The following GIGYF2 variants were observed in gnomAD, a reference collection of about 807,000 sequenced individuals.
The protein encoded by GIGYF2 is GRB10 interacting GYF protein 2, also known as GRB10-interacting GYF protein 2.
In GIGYF2, 25 loss-of-function variants were observed where a neutral mutation model predicts 208.1. The observed-to-expected ratio is 0.12, with a 90% CI of 0.09 to 0.17. The LOEUF (loss-of-function observed/expected upper bound fraction) is 0.17. GIGYF2 is among the 10% of genes least tolerant of loss of function. GIGYF2 has a pLI of 1.00. For missense variants in GIGYF2, 1,302 were observed against 1,579.4 expected (o/e 0.82, Z 2.98); for synonymous variants, 534 against 543.8 (o/e 0.98, Z 0.25).
At chr2:232,709,299 A>G (rs972358595) in intron 2 of GIGYF2, among the ~76,000 whole-genome samples, 8 of 152,140 alleles carry the variant, frequency 5.3e-5, no homozygotes, top group Admixed American at 2.6e-4. Context: ...TATGATTGCT[A>G]TTACTATGTA....
chr2:232,749,113 T>C, intron 5 of GIGYF2, 31 bp downstream of exon 5: 1 of 1,050,854 alleles, frequency 9.5e-7, no homozygotes, highest in Non-Finnish European at 1.5e-6. Context: ...CCCAGCAAAC[T>C]CTTATTCTTT....
chr2:232,735,516 T>G, intron 3 of GIGYF2: 1 of 351,038 alleles, frequency 2.8e-6, no homozygotes, highest in Non-Finnish European at 4.9e-6. Flanking sequence ...TTTGAGTCGT[T>G]GTCTAGGTGC....
chr2:232,740,150 C>T (rs1198003188), intron 3 of GIGYF2, among the ~76,000 whole-genome samples: 2 of 152,010 alleles, frequency 1.3e-5, no homozygotes, highest in Non-Finnish European at 1.5e-5. Flanking sequence ...TGATTTAAAA[C>T]ACTTTTGAGG....
intron 28 of GIGYF2, among the ~76,000 whole-genome samples, chr2:232,854,231 G>A (rs533065384): frequency 6.6e-6 from 1 of 152,192 alleles, no homozygotes; most frequent in Non-Finnish European, 1.5e-5. Context: ...GGTGACTCAT[G>A]ACTGTAATCC....
intron 1 of GIGYF2, among the ~76,000 whole-genome samples, chr2:232,697,679 C>T (rs1450566245): frequency 3.9e-5 from 6 of 152,240 alleles, no homozygotes; most frequent in African/African-American, 1.4e-4. Flanking sequence ...TAGGCCAGGG[C>T]CTCTTGGCAT....
rs397868481 is a variant in GIGYF2 at position 232,733,257 on chromosome 2, CAA to C, written c.-43-1880_-43-1879del. The stretch of plus-strand genomic sequence containing the variant: ...GGGCGACAGAGCGAGACTCTTGTCT[CAA>C]AAAAAAAAAAAAAAAAAGTGATGAG... On this transcript the variant is annotated intron_variant, in intron 2 of 28. Transcript: ENST00000373563. Among the ~76,000 whole-genome samples the C allele has an allele frequency of 7.9e-3, 722 of 91,188 alleles. 3 individuals are homozygous for C. Among genetic ancestry groups the C allele is most frequent in the African/African-American group, 0.023 (552 of 24,266 alleles). 59.8% of individuals were successfully genotyped at this position (91,188 alleles called of 152,430 possible). A position where few individuals can be genotyped will look rare whatever the true frequency, so the allele number is the denominator to read the frequency against.
chr2:232,749,045 C>T lies in GIGYF2; in HGVS notation c.230C>T (p.Pro77Leu), dbSNP rs1309018759. The T allele has an allele frequency of 6.2e-7, 1 of 1,604,638 alleles. No homozygotes were observed. Among genetic ancestry groups the T allele is most frequent in the African/African-American group, 1.3e-5 (1 of 74,808 alleles). ...CCTATCCTCCAGGAGGAACCCCTTC[C>T]ACCATTGGCTCTGGTACCCTTTACA... ...FLPILQEEPLPPLALVPFTEE... is the reference protein window; with the variant it reads ...FLPILQEEPLLPLALVPFTEE... Residue 77 changes from proline to leucine, a missense_variant, in exon 5 of 29, where the codon CCA becomes CTA. Pro to Leu is a moderately conservative substitution (Grantham distance 98). This residue lies in a region of GIGYF2 where 189 missense variants were observed against 257.7 expected (regional missense o/e 0.73). Coordinates refer to ENST00000373563, the MANE Select transcript of GIGYF2 (RefSeq NM_001103146.3).
rs1480168607 is a variant in GIGYF2, at chr2:232,860,365, C to A, written c.*3505C>A. The A allele has an allele frequency of 6.6e-6, 1 of 150,456 alleles. No individual in the cohort carries two copies. Among genetic ancestry groups the A allele is most frequent in the Non-Finnish European group, 1.5e-5 (1 of 67,718 alleles). The allele number at this position is 150,456 out of a possible 1,614,324, so 9.3% of individuals were successfully genotyped here. On this transcript the variant is annotated 3_prime_UTR_variant, in exon 29 of 29. Coordinates refer to ENST00000373563, the MANE Select transcript of GIGYF2 (RefSeq NM_001103146.3). ...TATTTAAATAATTTTTTTAGGGAAA[C>A]CATTGTATTTATACATGCATATATT...
chr2:232,795,693 T>G (rs1395438562), intron 13 of GIGYF2, among the ~76,000 whole-genome samples: 1 of 151,452 alleles, frequency 6.6e-6, no homozygotes, highest in Non-Finnish European at 1.5e-5. Flanking sequence ...AACCCAGGAG[T>G]TCAAGAACAG....
At chr2:232,778,308 CT>C (rs1699598627) in intron 8 of GIGYF2, among the ~76,000 whole-genome samples, 3 of 152,270 alleles carry the variant, frequency 2.0e-5, no homozygotes, top group Admixed American at 2.0e-4. Flanking sequence ...CCATAGTATA[CT>C]TGGTTTCAAT....
chr2:232,735,810 A>C (rs1049634548), intron 3 of GIGYF2: 9 of 985,510 alleles, frequency 9.1e-6, no homozygotes, highest in Non-Finnish European at 1.1e-5. Context: ...TTTGAGATCC[A>C]TCACATTGTA....
chr2:232,834,011 A>G (rs1701503455), intron 22 of GIGYF2, among the ~76,000 whole-genome samples: 1 of 152,058 alleles, frequency 6.6e-6, no homozygotes, highest in Non-Finnish European at 1.5e-5. Flanking sequence ...GCAAGAATTA[A>G]TTAGTCTCTG....
rs773494381 is a variant in GIGYF2 at position 232,806,501 on chromosome 2, T to A, written c.1650T>A (p.Asn550Lys). The A allele has an allele frequency of 1.2e-6, 2 of 1,605,540 alleles. No homozygotes were observed. The highest frequency in any genetic ancestry group is 2.2e-5 in the East Asian group (1 of 44,844). Residue 550 changes from asparagine (N) to lysine (K), a missense_variant, in exon 15 of 29, where the codon AAT becomes AAA. Physicochemically the swap from Asn to Lys is moderately conservative, Grantham distance 94. Transcript: ENST00000373563. The surrounding 1 kb of genome is among the most constrained non-coding windows in gnomAD (Gnocchi z 4.0). ...DPQGEIQGPF[N>K]NQEMAEWFQA... ...TTGGTGCTGTTATAGGTCCCTTCAATAATCAGGAGATGGCAGAATGGTTTC... is the reference window on the plus strand; with the variant it reads ...TTGGTGCTGTTATAGGTCCCTTCAAAAATCAGGAGATGGCAGAATGGTTTC...
rs756298776 is a variant in GIGYF2, at chr2:232,845,871, G to A, written c.3445G>A (p.Ala1149Thr). 1 of 1,605,512 alleles carries A rather than the reference G, an allele frequency of 6.2e-7. No individual in the cohort carries two copies. The highest frequency in any genetic ancestry group is 1.1e-5 in the South Asian group (1 of 90,876). Reference sequence around the variant, plus strand: ...ACAGATGCTTCATGCCCTTAATACGGCAAATAACTTGGATGGTAAGAATTG... The same window carrying A: ...ACAGATGCTTCATGCCCTTAATACGACAAATAACTTGGATGGTAAGAATTG... ...CEQMLHALNTANNLDVPTFVS... is the reference protein window; with the variant it reads ...CEQMLHALNTTNNLDVPTFVS... The change falls in exon 26 of 29, where the codon GCA becomes ACA. Residue 1149 changes from alanine (A) to threonine (T), a missense_variant. Transcript: ENST00000373563.
At position 232,809,816 on chromosome 2, in the gene GIGYF2, GAA is replaced by G. The variant is rs754885068; in HGVS notation, c.1898+6_1898+7del. 1 of 1,451,096 alleles carries G rather than the reference GAA, an allele frequency of 6.9e-7. No homozygotes were observed. The allele number at this position is 1,451,096 out of a possible 1,614,324, so 89.9% of individuals were successfully genotyped here. A position where few individuals can be genotyped will look rare whatever the true frequency, so the allele number is the denominator to read the frequency against. Reference sequence around the variant, plus strand: ...GTACCAGCAGTTTTTAATACAGTAAGAAGAGTAATGCAGTAGGATGTACTGCA... The same window carrying G: ...GTACCAGCAGTTTTTAATACAGTAAGGAGTAATGCAGTAGGATGTACTGCA... On this transcript the variant is annotated splice_donor_region_variant and intron_variant, in intron 16 of 28. Transcript: ENST00000373563.
chr2:232,778,527 C>T (rs1699607231), intron 8 of GIGYF2, among the ~76,000 whole-genome samples: 1 of 152,166 alleles, frequency 6.6e-6, no homozygotes, highest in South Asian at 2.1e-4. Flanking sequence ...CATTTAAAGT[C>T]ATTTCTGGTT....
At chr2:232,838,384 G>A (rs765055603) in intron 22 of GIGYF2, among the ~76,000 whole-genome samples, 4 of 152,088 alleles carry the variant, frequency 2.6e-5, no homozygotes, top group Non-Finnish European at 5.9e-5. Context: ...TTTTGGCACA[G>A]CAATAGGAAG....
At chr2:232,812,778 T>G (rs1320243615) in intron 18 of GIGYF2, among the ~76,000 whole-genome samples, 1 of 152,186 alleles carries the variant, frequency 6.6e-6, no homozygotes, top group Admixed American at 6.5e-5. Context: ...TCGATCTCTT[T>G]AGCCAGATCG....
intron 14 of GIGYF2, among the ~76,000 whole-genome samples, chr2:232,799,612 A>G (rs920200992): frequency 6.6e-6 from 1 of 151,796 alleles, no homozygotes; most frequent in African/African-American, 2.4e-5. Flanking sequence ...AGGTACAACT[A>G]TCTCTTTGAG....
Sources: allele counts gnomAD v4.1 joint callset (sites outside exome capture counted in the v4.1 genomes callset), GRCh38; gene constraint gnomAD v4.1.1; regional missense constraint gnomAD v4.1.1; non-coding constraint Gnocchi (gnomAD v3.1); transcripts MANE v1.5; gene names NCBI Gene and HGNC (gene_info 2026-07-23, HGNC 2026-07-21).